The following EPM2A variants were observed in gnomAD, a reference collection of about 807,000 sequenced individuals.
The protein encoded by EPM2A is laforin.
In EPM2A, 21 loss-of-function variants were observed where a neutral mutation model predicts 26.5. The observed-to-expected ratio is 0.79, with a 90% CI of 0.56 to 1.14. The LOEUF (loss-of-function observed/expected upper bound fraction) is 1.14, where lower values mean the gene tolerates loss of function less well. Among genes scored for constraint, EPM2A ranks in the 50% most tolerant of loss-of-function variants. The pLI is 0.00. For synonymous variants in EPM2A, 217 were observed against 177.6 expected, an observed-to-expected ratio of 1.22 and a Z score of -1.76; for missense variants, 458 against 440.8, an observed-to-expected ratio of 1.04 and a Z score of -0.35.
chr6:145,425,116 C>CCCTCCCTTCCTTCCTTCCTT (rs1554235710), intron 4 of EPM2A, among the ~76,000 whole-genome samples: 20 of 131,932 alleles, frequency 1.5e-4, no homozygotes, highest in African/African-American at 5.1e-4. Flanking sequence ...ATGTAAGTCT[C>CCCTCCCTTCCTTCCTTCCTT]CCTTCCTTCC....
intron 2 of EPM2A, among the ~76,000 whole-genome samples, chr6:145,675,714 T>C (rs1451408772): frequency 2.0e-5 from 3 of 152,172 alleles, no homozygotes; most frequent in African/African-American, 7.2e-5. Context: ...AAGGGATCAA[T>C]TCAACAAGAA....
At chr6:145,600,168 A>G (rs1365025044) in intron 2 of EPM2A, among the ~76,000 whole-genome samples, 1 of 152,068 alleles carries the variant, frequency 6.6e-6, no homozygotes, top group Non-Finnish European at 1.5e-5. Context: ...TTATTTTCTT[A>G]TTTCTAATTT....
chr6:145,638,365 C>T (rs1424188922), intron 2 of EPM2A: 2 of 152,180 alleles, frequency 1.3e-5, no homozygotes, highest in Non-Finnish European at 1.5e-5. Flanking sequence ...TCTATAGAGT[C>T]ACATGTTGTT....
intron 4 of EPM2A, among the ~76,000 whole-genome samples, chr6:145,415,129 T>C (rs1161406242): frequency 6.6e-6 from 1 of 152,206 alleles, no homozygotes; most frequent in Non-Finnish European, 1.5e-5. Context: ...TTGAGCACTA[T>C]TCTGGGAAGC....
At chr6:145,457,481 C>T (rs1157816017) in intron 4 of EPM2A, among the ~76,000 whole-genome samples, 1 of 105,512 alleles carries the variant, frequency 9.5e-6, no homozygotes, top group Non-Finnish European at 2.0e-5. Flanking sequence ...GACTCTGTCT[C>T]AAAAAAAAAA....
chr6:145,435,182 G>A (rs546394960), intron 4 of EPM2A, among the ~76,000 whole-genome samples: 1 of 152,120 alleles, frequency 6.6e-6, no homozygotes, highest in African/African-American at 2.4e-5. Flanking sequence ...TTTAGACATA[G>A]TCAATCATAT....
chr6:145,573,125 A>C (rs1582865501), intron 2 of EPM2A, among the ~76,000 whole-genome samples: 1 of 152,204 alleles, frequency 6.6e-6, no homozygotes, highest in African/African-American at 2.4e-5. Context: ...TGTGTTTGCT[A>C]CTTCTTGCTC....
chr6:145,627,677 C>T lies in EPM2A; in HGVS notation c.735G>A (p.Leu245=). 1.2e-6 allele frequency: 2 copies of T among 1,614,148 alleles called. No individual in the cohort carries two copies. The highest frequency in any genetic ancestry group is 1.7e-6 in the Non-Finnish European group (2 of 1,180,030). The change falls in exon 4 of 4, where the codon CTG becomes CTA. Residue 245 remains leucine, a synonymous_variant. Transcript: ENST00000367519. ...DMSTEGRVQM[L]PQAVCLLHAL... ...CATGCAGCAGGCACACCGCCTGGGG[C>T]AGCATCTGTACTCGGCCTGCGGTGG...
At chr6:145,436,400 C>G (rs1319969570) in intron 4 of EPM2A, among the ~76,000 whole-genome samples, 1 of 152,002 alleles carries the variant, frequency 6.6e-6, no homozygotes, top group Non-Finnish European at 1.5e-5. Context: ...TTATGCTAAA[C>G]TTTTTGAGGA....
At chr6:145,441,588 G>C (rs562301901) in intron 4 of EPM2A, among the ~76,000 whole-genome samples, 98 of 152,250 alleles carry the variant, frequency 6.4e-4, no homozygotes, top group African/African-American at 2.3e-3. Flanking sequence ...TGCTGCCTGG[G>C]TGTGGTGGCT....
At chr6:145,560,915 A>T (rs2114814206) in intron 2 of EPM2A, among the ~76,000 whole-genome samples, 1 of 152,172 alleles carries the variant, frequency 6.6e-6, no homozygotes, top group Non-Finnish European at 1.5e-5. Context: ...TTGTGTGTTG[A>T]TTTTAAAAAT....
intron 2 of EPM2A, among the ~76,000 whole-genome samples, chr6:145,522,197 C>T (rs1373874949): frequency 6.6e-6 from 1 of 152,180 alleles, no homozygotes; most frequent in African/African-American, 2.4e-5. Flanking sequence ...CGTGATCCGC[C>T]TGCCTCAGCC....
intron 2 of EPM2A, among the ~76,000 whole-genome samples, chr6:145,675,904 C>T (rs1057103272): frequency 6.6e-5 from 10 of 152,114 alleles, no homozygotes; most frequent in African/African-American, 2.4e-4. Context: ...ATATCCAGGA[C>T]TTGAACTCAC....
chr6:145,500,004 G>A (rs189086793), downstream of EPM2A, among the ~76,000 whole-genome samples: 390 of 127,618 alleles, frequency 3.1e-3, 6 homozygotes, highest in African/African-American at 0.01. Context: ...AACATCAAAA[G>A]ATGTGCTTTT....
intron 2 of EPM2A, chr6:145,641,219 G>C (rs2128568700): frequency 6.6e-6 from 1 of 152,298 alleles, no homozygotes; most frequent in Admixed American, 6.5e-5. Flanking sequence ...CTAACGCTTA[G>C]GAACTCAGAA....
At chr6:145,491,795 T>G (rs990277234) in intron 4 of EPM2A, 38 of 533,788 alleles carry the variant, frequency 7.1e-5, no homozygotes, top group Admixed American at 6.0e-4. Context: ...ATCATTGGCT[T>G]CTTCTTCTCC....
intron 4 of EPM2A, among the ~76,000 whole-genome samples, chr6:145,460,701 G>A (rs573629218): frequency 1.1e-4 from 17 of 152,210 alleles, no homozygotes; most frequent in African/African-American, 2.6e-4. Context: ...AGCAGACTGC[G>A]TTAGACTCTA....
chr6:145,457,414 G>A (rs1562342349), intron 4 of EPM2A, among the ~76,000 whole-genome samples: 1 of 150,604 alleles, frequency 6.6e-6, no homozygotes, highest in African/African-American at 2.4e-5. Flanking sequence ...AACCTGGGAG[G>A]CAGAGGTTGC....
chr6:145,532,733 A>G (rs1356874720), intron 2 of EPM2A, among the ~76,000 whole-genome samples: 1 of 150,858 alleles, frequency 6.6e-6, no homozygotes, highest in Non-Finnish European at 1.5e-5. Context: ...TGTGGGACAG[A>G]CCCCCGTACT....
Sources: gnomAD v4.1 joint callset for allele counts (sites outside exome capture counted in the v4.1 genomes callset) on GRCh38, gnomAD v4.1.1 for gene constraint, MANE v1.5 for transcripts, NCBI Gene and HGNC (gene_info 2026-07-23, HGNC 2026-07-21) for gene names.